Variants in NLRP1 observed in about 807,000 individuals in gnomAD.
NLRP1 encodes the protein NLR family pyrin domain containing 1, also known as NACHT, LRR and PYD domains-containing protein 1.
In NLRP1, 94 loss-of-function variants were observed where a neutral mutation model predicts 136.7. The ratio of observed to expected loss-of-function variants is 0.69; its 90% CI spans 0.58 to 0.82. NLRP1 has a LOEUF of 0.82. Ranked by LOEUF, NLRP1 falls within the 40% of genes least tolerant of loss-of-function variation. The pLI is 0.00. For synonymous variants in NLRP1, 690 were observed against 725.1 expected, an observed-to-expected ratio of 0.95 and a Z score of 0.78; for missense variants, 1,575 against 1,802.7, an observed-to-expected ratio of 0.87 and a Z score of 2.29.
chr17:5,511,746 T>C (rs1016761896), downstream of NLRP1, among the ~76,000 whole-genome samples: 23 of 106,226 alleles, frequency 2.2e-4, no homozygotes, highest in African/African-American at 4.4e-4. Context: ...CTCCCTCCCT[T>C]TCTCTTTTCT....
rs532601743 is a variant in NLRP1 at position 5,569,530 on chromosome 17, G to A, written c.653-9487C>T. On this transcript the variant is annotated intron_variant, in intron 3 of 16. Coordinates refer to ENST00000572272, the MANE Select transcript of NLRP1 (RefSeq NM_033004.4). ...CATCAATCAAAAAAGACAAAGAAAG[G>A]CATCACATAATAATAAAGGGTTCAA... Among the ~76,000 whole-genome samples, 10 of 152,148 alleles carry A rather than the reference G, an allele frequency of 6.6e-5. 1 individual carries two copies. Among genetic ancestry groups the A allele is most frequent in the African/African-American group, 1.9e-4 (8 of 41,500 alleles).
intron 3 of NLRP1, among the ~76,000 whole-genome samples, chr17:5,571,149 C>T (rs1915824019): frequency 6.6e-6 from 1 of 152,170 alleles, no homozygotes; most frequent in Non-Finnish European, 1.5e-5. Context: ...CCACAGCCAA[C>T]ATCACACTGA....
intron 5 of NLRP1, among the ~76,000 whole-genome samples, chr17:5,546,189 T>A (rs1339778010): frequency 6.6e-6 from 1 of 152,204 alleles, no homozygotes; most frequent in Non-Finnish European, 1.5e-5. Context: ...CTTTACCAAG[T>A]TTCAGTTCAC....
At chr17:5,508,398 T>A (rs531735960) in intron 15 of NLRP1, among the ~76,000 whole-genome samples, 70 of 152,298 alleles carry the variant, frequency 4.6e-4, no homozygotes, top group African/African-American at 1.4e-3. Context: ...TGATCCTCCT[T>A]CTTGGCTTCT....
At chr17:5,510,325 T>C (rs1226622394), downstream of NLRP1, among the ~76,000 whole-genome samples, 2 of 152,016 alleles carry the variant, frequency 1.3e-5, no homozygotes, top group Non-Finnish European at 2.9e-5. Context: ...TATCTGGGAA[T>C]ACAGGCATGT....
intron 12 of NLRP1, among the ~76,000 whole-genome samples, chr17:5,522,614 C>T (rs1032421736): frequency 3.9e-5 from 6 of 152,200 alleles, no homozygotes; most frequent in African/African-American, 1.4e-4. Flanking sequence ...CATTTCTAGG[C>T]CTGGGGCCTT....
intron 3 of NLRP1, among the ~76,000 whole-genome samples, chr17:5,568,872 C>T (rs1165095313): frequency 6.6e-6 from 1 of 152,126 alleles, no homozygotes; most frequent in Non-Finnish European, 1.5e-5. Context: ...GACTCTTGTT[C>T]TCTTTCCTTA....
At chr17:5,572,894 C>T (rs1046694750) in intron 3 of NLRP1, among the ~76,000 whole-genome samples, 9 of 152,132 alleles carry the variant, frequency 5.9e-5, no homozygotes, top group East Asian at 1.9e-4. Flanking sequence ...GGGTGAGCAG[C>T]GCAGAAGACA....
intron 5 of NLRP1, among the ~76,000 whole-genome samples, chr17:5,549,500 G>T (rs772881619): frequency 6.6e-6 from 1 of 151,888 alleles, no homozygotes; most frequent in Non-Finnish European, 1.5e-5. Flanking sequence ...GGCTGGTCTT[G>T]AACTCCGGAA....
chr17:5,571,959 T>A (rs1249525297), intron 3 of NLRP1, among the ~76,000 whole-genome samples: 1 of 152,132 alleles, frequency 6.6e-6, no homozygotes, highest in Non-Finnish European at 1.5e-5. Context: ...TCTACAACCA[T>A]CTGATCTTTG....
intron 3 of NLRP1, among the ~76,000 whole-genome samples, chr17:5,578,190 A>G (rs1415944552): frequency 6.6e-6 from 1 of 152,254 alleles, no homozygotes; most frequent in Non-Finnish European, 1.5e-5. Flanking sequence ...CATTCAGGAC[A>G]TAGGCATGGG....
intron 3 of NLRP1, among the ~76,000 whole-genome samples, chr17:5,567,092 C>A (rs1165161103): frequency 6.6e-6 from 1 of 151,944 alleles, no homozygotes; most frequent in East Asian, 1.9e-4. Context: ...GGGAACAGAT[C>A]ATTGGTTCTT....
intron 14 of NLRP1, 142 bp downstream of exon 14, chr17:5,520,739 C>A: frequency 1.3e-6 from 1 of 759,582 alleles, no homozygotes; most frequent in South Asian, 2.8e-5. Flanking sequence ...GGAAGCATTC[C>A]CACTTTCTCT....
At chr17:5,510,047 A>G (rs116951556), downstream of NLRP1, among the ~76,000 whole-genome samples, 1,119 of 151,518 alleles carry the variant, frequency 7.4e-3, 4 homozygotes, top group Middle Eastern at 0.014. Context: ...TCTATTCAAA[A>G]AGATCTTTCT....
Position 5,532,848 on chromosome 17 carries a change from T to C in NLRP1, c.3270A>G (p.Val1090=). ...WGPTGPVATE[V]VDKEKNLYRV... ...GGTACAAGTTCTTTTCTTTGTCAAC[T>C]ACCTCAGTAGCCACAGGCCCCGTGG... Residue 1090 remains valine (V), a synonymous_variant, in exon 11 of 17, where the codon GTA becomes GTG. Transcript: ENST00000572272. 2 of 1,607,536 alleles carry C rather than the reference T, an allele frequency of 1.2e-6. No homozygotes were observed. The highest frequency in any genetic ancestry group is 2.7e-5 in the African/African-American group (2 of 74,442).
At position 5,528,866 on chromosome 17, in the gene NLRP1, C is replaced by T. The variant is rs545152318; in HGVS notation, c.3520+1615G>A. Among the ~76,000 whole-genome samples the T allele has an allele frequency of 6.6e-5, 10 of 152,266 alleles. No homozygotes were observed. The South Asian group carries it at 1.7e-3, about 25-fold the overall frequency. On this transcript the variant is annotated intron_variant, in intron 12 of 16. Coordinates refer to ENST00000572272, the MANE Select transcript of NLRP1 (RefSeq NM_033004.4). ...TTAAGACAAGAAAAAATATTAAAAA[C>T]CCATTTAATATCTAGCTAAACTGTA...
At chr17:5,569,205 A>AAG (rs1351127726) in intron 3 of NLRP1, among the ~76,000 whole-genome samples, 1 of 152,214 alleles carries the variant, frequency 6.6e-6, no homozygotes, top group Non-Finnish European at 1.5e-5. Flanking sequence ...ACTATCAAGC[A>AAG]ACTACAAAAT....
At chr17:5,582,972 C>T in intron 1 of NLRP1, 126 bp from the exon 2 acceptor site, 1 of 695,846 alleles carries the variant, frequency 1.4e-6, no homozygotes, top group Non-Finnish European at 2.4e-6. Flanking sequence ...CGCTGCAGCC[C>T]TCTACAACTT....
Position 5,515,050 on chromosome 17 carries a change from G to A in NLRP1, c.4126C>T (p.Pro1376Ser). ...TGGTCCACAAAGTGCAGCAACTGCG[G>A]GGCATCCAGAGGTGAAGGTACGGCT... ...RIAVPSPLDA[P>S]QLLHFVDQYR... Residue 1376 changes from proline (P) to serine (S), a missense_variant, in exon 17 of 17, where the codon CCG becomes TCG. Coordinates refer to ENST00000572272, the MANE Select transcript of NLRP1 (RefSeq NM_033004.4). 1 of 1,614,090 alleles carries A rather than the reference G, an allele frequency of 6.2e-7. No individual in the cohort carries two copies. Among genetic ancestry groups the A allele is most frequent in the Non-Finnish European group, 8.5e-7 (1 of 1,180,024 alleles).
Sources: allele counts gnomAD v4.1 joint callset (sites outside exome capture counted in the v4.1 genomes callset), GRCh38; gene constraint gnomAD v4.1.1; transcripts MANE v1.5; gene names NCBI Gene and HGNC (gene_info 2026-07-23, HGNC 2026-07-21).